The following SNTG1 variants were observed in gnomAD, a reference collection of about 807,000 sequenced individuals.
SNTG1 encodes syntrophin gamma 1, also known as gamma-1-syntrophin.
A neutral mutation model predicts 74.7 loss-of-function variants in SNTG1; 39 were observed. The observed-to-expected ratio is 0.52, with a 90% CI of 0.40 to 0.68. The LOEUF (loss-of-function observed/expected upper bound fraction) is 0.68, where lower values mean the gene tolerates loss of function less well. SNTG1 is among the 30% of genes least tolerant of loss of function. SNTG1 has a pLI of 0.00. For missense variants in SNTG1, 685 were observed against 609.5 expected (o/e 1.12, Z -1.30); for synonymous variants, 254 against 217.1 (o/e 1.17, Z -1.49).
intron 2 of SNTG1, among the ~76,000 whole-genome samples, chr8:50,387,825 G>A (rs893008323): frequency 6.6e-6 from 1 of 152,136 alleles, no homozygotes. Context: ...GAGGGTTGGT[G>A]GGGTTGGATC....
At chr8:50,707,182 T>C (rs1261493578) in intron 16 of SNTG1, among the ~76,000 whole-genome samples, 1 of 152,070 alleles carries the variant, frequency 6.6e-6, no homozygotes, top group Non-Finnish European at 1.5e-5. Context: ...TAATTTAATT[T>C]GTAATGCTGA....
intron 12 of SNTG1, among the ~76,000 whole-genome samples, chr8:50,574,101 C>T (rs1008721257): frequency 3.4e-4 from 52 of 152,034 alleles, no homozygotes; most frequent in Middle Eastern, 3.4e-3. Flanking sequence ...ATTATTGGAA[C>T]GCTAAGCATG....
intron 17 of SNTG1, among the ~76,000 whole-genome samples, chr8:50,749,499 T>A (rs916856821): frequency 6.6e-6 from 1 of 152,000 alleles, no homozygotes; most frequent in Non-Finnish European, 1.5e-5. Context: ...TAAAACAGCC[T>A]TATATTGGAA....
intron 2 of SNTG1, among the ~76,000 whole-genome samples, chr8:50,361,670 G>T (rs938044129): frequency 1.3e-5 from 2 of 151,888 alleles, no homozygotes; most frequent in African/African-American, 4.8e-5. Context: ...AATTTTTTTT[G>T]GGGGAGGTCA....
Position 50,527,090 on chromosome 8 carries a change from A to T in SNTG1, c.467-3087A>T, listed in dbSNP as rs528521476. ...AGTTTTAATTTGCATTTTCCTGATG[A>T]CTAATAATAATTATCTCCATATTGT... is the stretch of plus-strand genomic sequence containing the variant. On this transcript the variant is annotated intron_variant, in intron 9 of 18. Transcript: ENST00000642720. 3.0e-4 allele frequency among the ~76,000 whole-genome samples: 46 copies of T among 152,260 alleles called. No homozygotes were observed. The South Asian group carries it at 9.3e-3, about 31-fold the overall frequency.
chr8:50,708,342 G>C (rs539090381), intron 16 of SNTG1: 1 of 153,400 alleles, frequency 6.5e-6, no homozygotes, highest in African/African-American at 2.4e-5. Flanking sequence ...GGAATATCTC[G>C]TGCAATATCG....
intron 2 of SNTG1, among the ~76,000 whole-genome samples, chr8:50,194,877 A>T (rs1043896432): frequency 2.0e-5 from 3 of 152,028 alleles, no homozygotes; most frequent in Non-Finnish European, 4.4e-5. Flanking sequence ...CATTATTGTC[A>T]TTCAGTTCGA....
At chr8:50,468,166 T>C (rs1181926558) in intron 8 of SNTG1, among the ~76,000 whole-genome samples, 1 of 152,048 alleles carries the variant, frequency 6.6e-6, no homozygotes, top group Non-Finnish European at 1.5e-5. Flanking sequence ...TACTGTTCAG[T>C]CCAACTGTAT....
intron 15 of SNTG1, among the ~76,000 whole-genome samples, chr8:50,669,810 A>G (rs376818935): frequency 6.6e-6 from 1 of 152,068 alleles, no homozygotes; most frequent in Admixed American, 6.6e-5. Context: ...CTGGCAAACC[A>G]AATCCAGCAG....
chr8:50,721,814 G>A (rs988295178), intron 17 of SNTG1, among the ~76,000 whole-genome samples: 1 of 152,096 alleles, frequency 6.6e-6, no homozygotes, highest in African/African-American at 2.4e-5. Flanking sequence ...GCAGGGATCA[G>A]AGATAACATA....
chr8:50,360,401 T>C (rs569055119), intron 2 of SNTG1, among the ~76,000 whole-genome samples: 1 of 152,310 alleles, frequency 6.6e-6, no homozygotes, highest in African/African-American at 2.4e-5. Context: ...TTCTTTTGTC[T>C]TGGGGAACTG....
At chr8:50,011,964 T>G (rs1815850840) in intron 1 of SNTG1, 1 of 152,136 alleles carries the variant, frequency 6.6e-6, no homozygotes. Context: ...TTTTTTTCCT[T>G]TATATTTGGA....
chr8:50,152,962 G>A (rs1223536540), intron 1 of SNTG1, among the ~76,000 whole-genome samples: 1 of 152,126 alleles, frequency 6.6e-6, no homozygotes, highest in African/African-American at 2.4e-5. Flanking sequence ...GCCTTGCTAG[G>A]TTGGGGAAGT....
intron 2 of SNTG1, among the ~76,000 whole-genome samples, chr8:50,353,169 G>A (rs2091717036): frequency 6.7e-6 from 1 of 149,444 alleles, no homozygotes; most frequent in South Asian, 2.1e-4. Context: ...AAAACCAAAC[G>A]CCAGATGTTC....
At chr8:50,076,060 T>C (rs1476221348) in intron 1 of SNTG1, among the ~76,000 whole-genome samples, 1 of 152,150 alleles carries the variant, frequency 6.6e-6, no homozygotes, top group Non-Finnish European at 1.5e-5. Flanking sequence ...AAATCTTCAA[T>C]TTGTAAAAAA....
At chr8:50,685,536 CTTGT>C (rs1179790929) in intron 15 of SNTG1, among the ~76,000 whole-genome samples, 1 of 152,164 alleles carries the variant, frequency 6.6e-6, no homozygotes, top group African/African-American at 2.4e-5. Context: ...AATATTTGAA[CTTGT>C]TTGTCATTTG....
chr8:50,039,791 T>C (rs1818477585), intron 1 of SNTG1, among the ~76,000 whole-genome samples: 1 of 152,162 alleles, frequency 6.6e-6, no homozygotes, highest in Non-Finnish European at 1.5e-5. Flanking sequence ...GTTATATTTT[T>C]TCTAGTAATT....
At chr8:50,750,003 C>T (rs540133247) in intron 17 of SNTG1, among the ~76,000 whole-genome samples, 1 of 151,976 alleles carries the variant, frequency 6.6e-6, no homozygotes, top group African/African-American at 2.4e-5. Context: ...AAAGTGATTC[C>T]TCTGATGGAT....
At chr8:50,394,104 AAC>A in intron 2 of SNTG1, 106 bp from the exon 3 acceptor site, 3 of 764,730 alleles carry the variant, frequency 3.9e-6, no homozygotes, top group East Asian at 2.9e-5. Context: ...AGTGGTTGTA[AAC>A]ACAGTTTTCC....
Sources: gnomAD v4.1 joint callset for allele counts (sites outside exome capture counted in the v4.1 genomes callset) on GRCh38, gnomAD v4.1.1 for gene constraint, MANE v1.5 for transcripts, NCBI Gene and HGNC (gene_info 2026-07-23, HGNC 2026-07-21) for gene names.